The following KCNQ3 variants were observed in gnomAD, a reference collection of about 807,000 sequenced individuals.
The protein encoded by KCNQ3 is potassium voltage-gated channel subfamily KQT member 3.
KCNQ3 carries 30 observed loss-of-function variants against 92.5 expected under a neutral mutation model. The observed-to-expected ratio is 0.32, with a 90% CI of 0.24 to 0.44. The LOEUF (loss-of-function observed/expected upper bound fraction) is 0.44. Ranked by LOEUF, KCNQ3 falls within the 20% of genes least tolerant of loss-of-function variation. The probability of loss-of-function intolerance (pLI) is 1.00; values close to 1 mark genes in which losing one functional copy is unlikely to be tolerated. For synonymous variants in KCNQ3, 450 were observed against 468.8 expected (o/e 0.96, Z 0.52); for missense variants, 913 against 1,140.3 (o/e 0.80, Z 2.87).
At chr8:132,313,035 G>C (rs535963442) in intron 1 of KCNQ3, among the ~76,000 whole-genome samples, 10 of 152,176 alleles carry the variant, frequency 6.6e-5, no homozygotes, top group African/African-American at 2.2e-4. Flanking sequence ...CCTTCCAGCC[G>C]GACGTCTGAG....
At chr8:132,431,623 A>G (rs1045414184) in intron 1 of KCNQ3, among the ~76,000 whole-genome samples, 1 of 143,738 alleles carries the variant, frequency 7.0e-6, no homozygotes, top group Non-Finnish European at 1.6e-5. Flanking sequence ...GTATGGGTTG[A>G]ACTGTGGTTG....
At chr8:132,340,255 T>C (rs1818488122) in intron 1 of KCNQ3, among the ~76,000 whole-genome samples, 1 of 152,214 alleles carries the variant, frequency 6.6e-6, no homozygotes, top group African/African-American at 2.4e-5. Flanking sequence ...GCCATCCCAT[T>C]ACTGGTTGTA....
chr8:132,182,888 A>G (rs909917320), intron 3 of KCNQ3, among the ~76,000 whole-genome samples: 4 of 149,658 alleles, frequency 2.7e-5, no homozygotes, highest in South Asian at 2.1e-4. Flanking sequence ...TATCGCACAC[A>G]CACACACACA....
At chr8:132,378,182 T>C (rs778714343) in intron 1 of KCNQ3, among the ~76,000 whole-genome samples, 1 of 151,330 alleles carries the variant, frequency 6.6e-6, no homozygotes, top group Non-Finnish European at 1.5e-5. Context: ...TCGTTGGAGG[T>C]TTGGAGTTTG....
chr8:132,313,426 A>T (rs1190723639), intron 1 of KCNQ3, among the ~76,000 whole-genome samples: 3 of 152,180 alleles, frequency 2.0e-5, no homozygotes, highest in South Asian at 2.1e-4. Context: ...ATTTTTTTTT[A>T]ATGTTACCAT....
At chr8:132,391,797 T>C (rs1054121621) in intron 1 of KCNQ3, among the ~76,000 whole-genome samples, 1 of 152,150 alleles carries the variant, frequency 6.6e-6, no homozygotes, top group Non-Finnish European at 1.5e-5. Flanking sequence ...CCACATTCCA[T>C]GTGGGGAGCA....
chr8:132,325,086 G>A (rs1818004472), intron 1 of KCNQ3, among the ~76,000 whole-genome samples: 1 of 151,916 alleles, frequency 6.6e-6, no homozygotes, highest in South Asian at 2.1e-4. Context: ...CAGCTTGGTA[G>A]GAGCCCTGGA....
chr8:132,473,451 T>C (rs1822337256), intron 1 of KCNQ3, among the ~76,000 whole-genome samples: 1 of 152,244 alleles, frequency 6.6e-6, no homozygotes, highest in Non-Finnish European at 1.5e-5. Flanking sequence ...AACAAGGTTG[T>C]CATTAGAGTA....
intron 1 of KCNQ3, among the ~76,000 whole-genome samples, chr8:132,432,937 CACAA>C (rs1231492836): frequency 2.0e-5 from 3 of 152,214 alleles, no homozygotes; most frequent in Non-Finnish European, 4.4e-5. Flanking sequence ...GAAGAGAACA[CACAA>C]ACAGACACGG....
At chr8:132,252,223 C>A (rs1191964211) in intron 1 of KCNQ3, among the ~76,000 whole-genome samples, 2 of 152,180 alleles carry the variant, frequency 1.3e-5, no homozygotes, top group East Asian at 3.9e-4. Context: ...AAGCTGTGGA[C>A]CCTCATGGTG....
At chr8:132,156,382 C>T (rs1438568540) in intron 9 of KCNQ3, among the ~76,000 whole-genome samples, 1 of 152,084 alleles carries the variant, frequency 6.6e-6, no homozygotes, top group Non-Finnish European at 1.5e-5. Context: ...GTTTTGAAGT[C>T]TAGTAGTCTG....
intron 1 of KCNQ3, among the ~76,000 whole-genome samples, chr8:132,187,928 T>G (rs1028477854): frequency 2.1e-5 from 3 of 140,408 alleles, no homozygotes; most frequent in African/African-American, 8.3e-5. Context: ...TTGGTGGTGA[T>G]AGTGATGGTG....
chr8:132,477,350 T>TAAA (rs5895143), intron 1 of KCNQ3, among the ~76,000 whole-genome samples: 5 of 143,668 alleles, frequency 3.5e-5, no homozygotes, highest in Admixed American at 1.4e-4. Context: ...CATTTTAATT[T>TAAA]AAAAAAAAAA....
At chr8:132,437,492 T>C (rs1408783994) in intron 1 of KCNQ3, among the ~76,000 whole-genome samples, 1 of 152,176 alleles carries the variant, frequency 6.6e-6, no homozygotes, top group Admixed American at 6.5e-5. Flanking sequence ...AAGCTAAGTG[T>C]CTATTTCTAA....
intron 1 of KCNQ3, among the ~76,000 whole-genome samples, chr8:132,411,573 C>A (rs72721062): frequency 6.6e-6 from 1 of 152,020 alleles, no homozygotes; most frequent in Non-Finnish European, 1.5e-5. Context: ...AGGAAAGACC[C>A]ATGAGAGGAA....
intron 8 of KCNQ3, among the ~76,000 whole-genome samples, chr8:132,169,340 G>A (rs1037911646): frequency 2.0e-5 from 3 of 152,196 alleles, no homozygotes; most frequent in Admixed American, 6.5e-5. Flanking sequence ...ATTTTATAGG[G>A]TACCTGTGGG....
intron 1 of KCNQ3, among the ~76,000 whole-genome samples, chr8:132,322,415 G>C (rs1376488074): frequency 6.6e-6 from 1 of 152,086 alleles, no homozygotes; most frequent in Non-Finnish European, 1.5e-5. Flanking sequence ...AGAATTTACT[G>C]GGGCAGGAAA....
rs552899006 is a variant in KCNQ3, at chr8:132,122,497, G to A, written c.*6765C>T. 73 of 152,322 alleles carry A rather than the reference G, an allele frequency of 4.8e-4. No homozygotes were observed. The highest frequency in any genetic ancestry group is 1.7e-3 in the African/African-American group (71 of 41,570). The allele number at this position is 152,322 out of a possible 1,614,324, so 9.4% of individuals were successfully genotyped here. On this transcript the variant is annotated 3_prime_UTR_variant, in exon 15 of 15. Coordinates refer to ENST00000388996, the MANE Select transcript of KCNQ3 (RefSeq NM_004519.4). ...GAGCTGGGCTTTTGACTACCTCATT[G>A]TAAGCCATTCTCAAGTTATTCTTAT...
At chr8:132,317,857 G>A (rs148087256) in intron 1 of KCNQ3, among the ~76,000 whole-genome samples, 41 of 152,302 alleles carry the variant, frequency 2.7e-4, no homozygotes, top group African/African-American at 9.9e-4. Flanking sequence ...GCAATGGAAA[G>A]GGGAGCTGGG....
Sources: gnomAD v4.1 joint callset for allele counts (sites outside exome capture counted in the v4.1 genomes callset) on GRCh38, gnomAD v4.1.1 for gene constraint, MANE v1.5 for transcripts, NCBI Gene and HGNC (gene_info 2026-07-23, HGNC 2026-07-21) for gene names.